The following PCDHA5 variants were observed in gnomAD, a reference collection of about 807,000 sequenced individuals.
The protein encoded by PCDHA5 is protocadherin alpha-5.
PCDHA5 carries 43 observed loss-of-function variants against 61.6 expected under a neutral mutation model. The ratio of observed to expected loss-of-function variants is 0.70; its 90% CI spans 0.55 to 0.90. PCDHA5 has a LOEUF of 0.90. PCDHA5 is among the 40% of genes least tolerant of loss of function. PCDHA5 has a pLI of 0.00. For synonymous variants in PCDHA5, 627 were observed against 543.9 expected (o/e 1.15, Z -2.13); for missense variants, 1,298 against 1,222.7 (o/e 1.06, Z -0.92).
At chr5:140,928,634 C>G in intron 1 of PCDHA5, 1 of 1,614,216 alleles carries the variant, frequency 6.2e-7, no homozygotes, top group Non-Finnish European at 8.5e-7. Flanking sequence ...CACTTGGTCA[C>G]AAAAGTGGTA....
chr5:140,826,679 A>T (rs184040135), intron 1 of PCDHA5, among the ~76,000 whole-genome samples: 11 of 152,308 alleles, frequency 7.2e-5, no homozygotes, highest in East Asian at 5.8e-4. Flanking sequence ...GACGTAATTA[A>T]AAAAACCCAG....
chr5:140,955,234 G>C (rs1373509371), intron 1 of PCDHA5, among the ~76,000 whole-genome samples: 12 of 152,184 alleles, frequency 7.9e-5, no homozygotes, highest in Middle Eastern at 3.4e-3. Flanking sequence ...TTGTTCTTTT[G>C]CTTAGGATCG....
chr5:140,941,961 T>A (rs150142414), intron 1 of PCDHA5, among the ~76,000 whole-genome samples: 2 of 152,214 alleles, frequency 1.3e-5, no homozygotes, highest in African/African-American at 4.8e-5. Flanking sequence ...AACAATAGTA[T>A]CTTTACTTTC....
intron 1 of PCDHA5, among the ~76,000 whole-genome samples, chr5:140,948,536 C>T (rs2094269261): frequency 6.6e-6 from 1 of 151,548 alleles, no homozygotes; most frequent in Admixed American, 6.6e-5. Context: ...TATTTTATTT[C>T]ATGCTCTGTC....
intron 1 of PCDHA5, chr5:140,861,426 T>A (rs1451953787): frequency 2.1e-6 from 1 of 485,412 alleles, no homozygotes; most frequent in Non-Finnish European, 4.2e-6. Context: ...CCTGTTTCAG[T>A]TGGATTCCAA....
At chr5:140,850,316 T>A (rs2150479207) in intron 1 of PCDHA5, 1 of 1,597,026 alleles carries the variant, frequency 6.3e-7, no homozygotes, top group African/African-American at 1.3e-5. Flanking sequence ...ACGCGTGGCT[T>A]TCATACGAGC....
chr5:140,836,694 G>A (rs1249098151), intron 1 of PCDHA5: 9 of 1,613,292 alleles, frequency 5.6e-6, no homozygotes, highest in Non-Finnish European at 7.6e-6. Flanking sequence ...AGACCTCATG[G>A]CCTTCAGTCC....
intron 1 of PCDHA5, among the ~76,000 whole-genome samples, chr5:140,965,496 AT>A (rs71766133): frequency 0.14 from 20,233 of 145,920 alleles, 1,374 homozygotes; most frequent in Middle Eastern, 0.21. Flanking sequence ...ATGACAGCAG[AT>A]TTTTTTTTTT....
At chr5:140,837,917 G>A (rs1390684989) in intron 1 of PCDHA5, among the ~76,000 whole-genome samples, 2 of 151,626 alleles carry the variant, frequency 1.3e-5, no homozygotes, top group African/African-American at 4.9e-5. Flanking sequence ...GGCTTCAAGC[G>A]ATCCTCCTAC....
chr5:140,926,303 C>G (rs1248613470), intron 1 of PCDHA5: 1 of 152,328 alleles, frequency 6.6e-6, no homozygotes, highest in African/African-American at 2.4e-5. Flanking sequence ...CCCGCCCTCT[C>G]CGCCGGAGAG....
chr5:140,925,641 TATAATAATA>T (rs10569930), intron 1 of PCDHA5, among the ~76,000 whole-genome samples: 3,728 of 143,338 alleles, frequency 0.026, 107 homozygotes, highest in African/African-American at 0.059. Context: ...GAACTTAAAG[TATAATAATA>T]ATAATAATAA....
At chr5:140,895,653 A>G (rs1247218282) in intron 1 of PCDHA5, among the ~76,000 whole-genome samples, 1 of 152,150 alleles carries the variant, frequency 6.6e-6, no homozygotes, top group Non-Finnish European at 1.5e-5. Flanking sequence ...GCTCCCACTT[A>G]TAAGTGAGAA....
At chr5:140,973,697 C>G (rs1474916406) in intron 1 of PCDHA5, among the ~76,000 whole-genome samples, 1 of 152,226 alleles carries the variant, frequency 6.6e-6, no homozygotes, top group Non-Finnish European at 1.5e-5. Context: ...CTGTTTCCTT[C>G]TGACCCAGGA....
At chr5:140,999,159 G>A (rs1056236953) in intron 3 of PCDHA5, among the ~76,000 whole-genome samples, 2 of 152,182 alleles carry the variant, frequency 1.3e-5, no homozygotes, top group African/African-American at 2.4e-5. Flanking sequence ...CAGTCCCCTA[G>A]AAGGAAAAGA....
At chr5:140,828,978 A>G in intron 1 of PCDHA5, 1 of 1,614,200 alleles carries the variant, frequency 6.2e-7, no homozygotes, top group Non-Finnish European at 8.5e-7. Context: ...TTTAGCATAG[A>G]TCGAAATACG....
At chr5:140,897,485 A>G (rs1189975695) in intron 1 of PCDHA5, among the ~76,000 whole-genome samples, 2 of 151,884 alleles carry the variant, frequency 1.3e-5, no homozygotes, top group African/African-American at 4.8e-5. Flanking sequence ...GATGATTTCC[A>G]ATTTCAACCA....
chr5:140,863,264 C>T (rs1432032847), intron 1 of PCDHA5: 3 of 1,454,794 alleles, frequency 2.1e-6, no homozygotes, highest in Non-Finnish European at 1.9e-6. Context: ...GTCCGGGAGG[C>T]AGCGCTGGTG....
intron 3 of PCDHA5, among the ~76,000 whole-genome samples, chr5:140,991,829 G>A (rs530610195): frequency 3.3e-5 from 5 of 152,196 alleles, no homozygotes; most frequent in South Asian, 2.1e-4. Flanking sequence ...CATTTATAAC[G>A]GCAGAACCGC....
At chr5:140,866,469 C>CG (rs2049380122) in intron 1 of PCDHA5, 2 of 152,080 alleles carry the variant, frequency 1.3e-5, no homozygotes, top group Non-Finnish European at 2.9e-5. Context: ...AAGCTCATAA[C>CG]AACTGACAAA....
Sources: gnomAD v4.1 joint callset for allele counts (sites outside exome capture counted in the v4.1 genomes callset) on GRCh38, gnomAD v4.1.1 for gene constraint, MANE v1.5 for transcripts, NCBI Gene and HGNC (gene_info 2026-07-23, HGNC 2026-07-21) for gene names.